Variants in BCOR observed in about 807,000 individuals in gnomAD.
BCOR encodes BCL-6 corepressor.
BCOR carries 10 observed loss-of-function variants against 86.7 expected under a neutral mutation model. The observed-to-expected ratio is 0.12, with a 90% CI of 0.07 to 0.20. BCOR has a LOEUF of 0.20. Among genes scored for constraint, BCOR ranks in the 10% least tolerant of loss-of-function variants. BCOR has a pLI of 1.00. For missense variants in BCOR, 1,259 were observed against 1,452.1 expected, an observed-to-expected ratio of 0.87 and a Z score of 2.16; for synonymous variants, 611 against 609.0, an observed-to-expected ratio of 1.00 and a Z score of -0.05.
At chrX:40,139,456 CATATATAT>C (rs1163392804) in intron 1 of BCOR, among the ~76,000 whole-genome samples, 24 of 687 alleles carry the variant, frequency 0.035, 4 homozygotes, top group African/African-American at 0.045. Context: ...AATATATATA[CATATATAT>C]ATATATATAT....
chrX:40,139,404 TATATATATATAATATATATACATA>T (rs1937779176), intron 1 of BCOR, among the ~76,000 whole-genome samples: 2 of 17,921 alleles, frequency 1.1e-4, no homozygotes, highest in Non-Finnish European at 1.5e-4. Context: ...CATATATATA[TATATATATATAATATATATACATA>T]TATATATATA....
intron 1 of BCOR, among the ~76,000 whole-genome samples, chrX:40,132,224 A>C (rs571050184): frequency 1.8e-5 from 2 of 111,976 alleles, no homozygotes; most frequent in African/African-American, 6.5e-5. Context: ...GCCCCTGTTG[A>C]TGTGTGACTG....
At chrX:40,060,558 G>A (rs1165701999) in intron 10 of BCOR, among the ~76,000 whole-genome samples, 1 of 112,144 alleles carries the variant, frequency 8.9e-6, no homozygotes, top group Non-Finnish European at 1.9e-5. Flanking sequence ...CGCTATGGCC[G>A]GCAAGTTTGC....
In BCOR at chrX:40,174,068, C is replaced by T. The variant is rs1293949961; in HGVS notation, c.-41+2939G>A. 2.7e-5 allele frequency among the ~76,000 whole-genome samples: 3 copies of T among 113,167 alleles called. No homozygotes were observed. The East Asian group carries it at 8.3e-4, about 31-fold the overall frequency. On this transcript the variant is annotated intron_variant, in intron 1 of 14. Transcript: ENST00000342274. Reference sequence around the variant, plus strand: ...TAAGAGCCTAGGGAGGCCTCGGCCTCCCCTGCTTGGCCTCTCCAGGGTCAC... The same window carrying T: ...TAAGAGCCTAGGGAGGCCTCGGCCTTCCCTGCTTGGCCTCTCCAGGGTCAC...
intron 2 of BCOR, chrX:40,077,037 C>G (rs769257713): frequency 3.9e-6 from 1 of 256,946 alleles, no homozygotes; most frequent in African/African-American, 2.9e-5. Context: ...CCATGTCCTA[C>G]GAAACTGGTT....
chrX:40,094,389 G>A (rs1936757620), intron 1 of BCOR, among the ~76,000 whole-genome samples: 1 of 112,680 alleles, frequency 8.9e-6, no homozygotes, highest in Non-Finnish European at 1.9e-5. Context: ...GACAGAACCC[G>A]GGGAGCGTGA....
At chrX:40,144,926 T>G in intron 1 of BCOR, among the ~76,000 whole-genome samples, 1 of 111,071 alleles carries the variant, frequency 9.0e-6, no homozygotes, top group South Asian at 3.8e-4. Context: ...TCGACAAATT[T>G]GAAACATCTG....
At chrX:40,101,547 C>T (rs1223442783), upstream of BCOR, among the ~76,000 whole-genome samples, 1 of 112,971 alleles carries the variant, frequency 8.9e-6, no homozygotes, top group Non-Finnish European at 1.9e-5. Flanking sequence ...TCAGGCTAAC[C>T]AGGCCCTGCA....
chrX:40,172,361 A>C (rs1351636975), intron 1 of BCOR, among the ~76,000 whole-genome samples: 3 of 112,560 alleles, frequency 2.7e-5, no homozygotes, highest in African/African-American at 9.7e-5. Context: ...GGAACCCACA[A>C]GCCTGACTGT....
chrX:40,062,885 G>A lies in BCOR; in HGVS notation c.4034C>T (p.Ser1345Phe). ...ADEEEDCQAA[S>F]LLQKYTDNSE... Reference sequence around the variant, plus strand: ...GTTGTCGGTGTATTTCTGCAGCAGGGAGGCAGCCTGGCAATCCTCTTCTTC... The same window carrying A: ...GTTGTCGGTGTATTTCTGCAGCAGGAAGGCAGCCTGGCAATCCTCTTCTTC... Residue 1345 changes from serine to phenylalanine, a missense_variant, in exon 9 of 15, where the codon TCC becomes TTC. Around this residue, in one of 7 missense-constraint regions of BCOR, gnomAD observed 305 missense variants for 286.1 expected, o/e 1.07. Coordinates refer to ENST00000378444, the MANE Select transcript of BCOR (RefSeq NM_001123385.2). 1 of 1,211,227 alleles carries A rather than the reference G, an allele frequency of 8.3e-7. No individual in the cohort carries two copies. The highest frequency in any genetic ancestry group is 1.1e-6 in the Non-Finnish European group (1 of 895,198).
rs7885417 is a variant in BCOR at position 40,166,641 on chromosome X, C to T, written c.-41+10366G>A. Among the ~76,000 whole-genome samples, 452 of 112,594 alleles carry T rather than the reference C, an allele frequency of 4.0e-3. 3 individuals carry two copies. The highest frequency in any genetic ancestry group is 0.014 in the African/African-American group (425 of 31,059). ...GGCTGGCTCAGGTGGAAAGTGGGCACAGGGGCCCCAACGCTGAGCAGGCTG... is the reference window on the plus strand; with the variant it reads ...GGCTGGCTCAGGTGGAAAGTGGGCATAGGGGCCCCAACGCTGAGCAGGCTG... On this transcript the variant is annotated intron_variant, in intron 1 of 14. Coordinates refer to the BCOR transcript ENST00000342274.
At chrX:40,157,208 A>C (rs1335218953) in intron 1 of BCOR, among the ~76,000 whole-genome samples, 5 of 112,417 alleles carry the variant, frequency 4.4e-5, no homozygotes, top group Non-Finnish European at 9.4e-5. Flanking sequence ...AACACAAAAC[A>C]CATCAAGCTG....
intron 1 of BCOR, among the ~76,000 whole-genome samples, chrX:40,158,739 A>T (rs1055990903): frequency 1.6e-4 from 18 of 112,560 alleles, no homozygotes; most frequent in Non-Finnish European, 5.6e-5. Context: ...AGGATTTGAG[A>T]GTTACCACGG....
At chrX:40,124,637 C>G (rs1937521056) in intron 1 of BCOR, among the ~76,000 whole-genome samples, 1 of 110,260 alleles carries the variant, frequency 9.1e-6, no homozygotes, top group African/African-American at 3.3e-5. Context: ...GGGTCTCACT[C>G]TGTCACCCAG....
rs2147057070 is a variant in BCOR at position 40,063,792 on chromosome X, C to T, written c.3663G>A (p.Gln1221=). Reference sequence around the variant, plus strand: ...CAGGTTTGCCATCTGCTGCCGACACCTGCTGCTCCCATCGTTCTCTAAGGT... The same window carrying T: ...CAGGTTTGCCATCTGCTGCCGACACTTGCTGCTCCCATCGTTCTCTAAGGT... The part of the protein sequence containing the change: ...LLHLRERWEQ[Q]VSAADGKPGR... The change falls in exon 8 of 15, where the codon CAG becomes CAA. Residue 1221 remains glutamine (Q), a synonymous_variant. Transcript: ENST00000378444. 8.3e-7 allele frequency: 1 copy of T among 1,212,029 alleles called. No individual in the cohort carries two copies. Among genetic ancestry groups the T allele is most frequent in the South Asian group, 1.8e-5 (1 of 57,015 alleles).
chrX:40,080,059 C>A (rs1178452610), intron 1 of BCOR, among the ~76,000 whole-genome samples: 2 of 79,638 alleles, frequency 2.5e-5, no homozygotes, highest in Admixed American at 2.3e-4. Flanking sequence ...CAACCAAACC[C>A]CCAAGAAAAG....
At chrX:40,154,003 C>T (rs1263156817) in intron 1 of BCOR, among the ~76,000 whole-genome samples, 1 of 111,152 alleles carries the variant, frequency 9.0e-6, no homozygotes, top group Non-Finnish European at 1.9e-5. Context: ...AAGAGCAGAT[C>T]GTGCTCTGCG....
chrX:40,174,439 C>T (rs964555466), intron 1 of BCOR, among the ~76,000 whole-genome samples: 3 of 112,607 alleles, frequency 2.7e-5, no homozygotes, highest in Admixed American at 1.9e-4. Flanking sequence ...TTCACATTTC[C>T]CCTCCTCCGA....
At chrX:40,172,899 C>G (rs1473256406) in intron 1 of BCOR, among the ~76,000 whole-genome samples, 1 of 112,829 alleles carries the variant, frequency 8.9e-6, no homozygotes, top group Non-Finnish European at 1.9e-5. Flanking sequence ...GTCCCCAGTC[C>G]CCAGTCACCT....
Sources: gnomAD v4.1 joint callset for allele counts (sites outside exome capture counted in the v4.1 genomes callset) on GRCh38, gnomAD v4.1.1 for gene constraint, gnomAD v4.1.1 regional missense constraint, MANE v1.5 for transcripts, NCBI Gene and HGNC (gene_info 2026-07-23, HGNC 2026-07-21) for gene names.